TUSC3: variants seen among roughly 807,000 people sequenced by gnomAD.
TUSC3 encodes tumor suppressor candidate 3, also known as dolichyl-diphosphooligosaccharide--protein glycosyltransferase subunit TUSC3.
Under a neutral mutation model 44.8 loss-of-function variants are expected in TUSC3, and 45 were observed. That is an observed-to-expected ratio of 1.00 (90% CI 0.79 to 1.29). The LOEUF (loss-of-function observed/expected upper bound fraction) is 1.29, where lower values mean the gene tolerates loss of function less well. Among genes scored for constraint, TUSC3 ranks in the 50% most tolerant of loss-of-function variants. The pLI, the probability that TUSC3 is intolerant of heterozygous loss-of-function variation, is 0.00. For synonymous variants in TUSC3, 212 were observed against 152.9 expected (o/e 1.39, Z -2.85); for missense variants, 519 against 437.9 (o/e 1.19, Z -1.65).
chr8:15,662,243 A>C lies in TUSC3; in HGVS notation c.655A>C (p.Arg219=). Residue 219 remains arginine (R), a synonymous_variant, in exon 5 of 11, where the codon AGG becomes CGG. Coordinates refer to ENST00000503731, the MANE Select transcript of TUSC3 (RefSeq NM_006765.4). ...TGTTGGAGGTTTGCTTTATTTGAGA[A>C]GGAACAACTTGGAGTTCATCTATAA... ...SLVGGLLYLR[R]NNLEFIYNKT... is the part of the protein sequence containing the mutation. 1 of 1,613,148 alleles carries C rather than the reference A, an allele frequency of 6.2e-7. No individual in the cohort carries two copies. The highest frequency in any genetic ancestry group is 8.5e-7 in the Non-Finnish European group (1 of 1,179,354).
rs1805331196 is a variant in TUSC3, at chr8:15,623,215, G to A, written c.274G>A (p.Ala92Thr). Reference sequence around the variant, plus strand: ...CTATTCCATGATTGTTATGTTCACTGCTCTTCAGCCTCAGCGGCAGTGTTC... The same window carrying A: ...CTATTCCATGATTGTTATGTTCACTACTCTTCAGCCTCAGCGGCAGTGTTC... ...RNYSMIVMFT[A>T]LQPQRQCSVC... is the part of the protein sequence containing the mutation. The change falls in exon 2 of 11, where the codon GCT (alanine) becomes ACT (threonine). Residue 92 changes from alanine to threonine, a missense_variant. Coordinates refer to ENST00000503731, the MANE Select transcript of TUSC3 (RefSeq NM_006765.4). 1.2e-6 allele frequency: 2 copies of A among 1,611,498 alleles called. No individual in the cohort carries two copies. Among genetic ancestry groups the A allele is most frequent in the Non-Finnish European group, 1.7e-6 (2 of 1,178,854 alleles).
In TUSC3 at chr8:15,574,480, A is replaced by G. The variant is rs187562397; in HGVS notation, c.138+33912A>G. Among the ~76,000 whole-genome samples the G allele has an allele frequency of 2.4e-3, 366 of 152,204 alleles. 5 individuals are homozygous for G. The highest frequency in any genetic ancestry group is 8.5e-3 in the African/African-American group (353 of 41,532). Reference sequence around the variant, plus strand: ...GTTCCTCAGACTCTCTCTTTTGCTTAGGCCCTTTCCTGTAACTGGAAGATT... The same window carrying G: ...GTTCCTCAGACTCTCTCTTTTGCTTGGGCCCTTTCCTGTAACTGGAAGATT... On this transcript the variant is annotated intron_variant, in intron 1 of 10. Coordinates refer to ENST00000503731, the MANE Select transcript of TUSC3 (RefSeq NM_006765.4).
At chr8:15,737,437 C>A (rs1209984136) in intron 7 of TUSC3, among the ~76,000 whole-genome samples, 1 of 152,052 alleles carries the variant, frequency 6.6e-6, no homozygotes, top group East Asian at 1.9e-4. Flanking sequence ...GTAATTTACA[C>A]AAATAGCAGC....
At chr8:15,484,579 C>G (rs1487872374) in intron 2 of TUSC3, among the ~76,000 whole-genome samples, 1 of 152,182 alleles carries the variant, frequency 6.6e-6, no homozygotes, top group South Asian at 2.1e-4. Flanking sequence ...CGGTGTAGGG[C>G]ATAGATAAAA....
chr8:15,707,415 T>C (rs977922398), intron 6 of TUSC3, among the ~76,000 whole-genome samples: 1 of 151,946 alleles, frequency 6.6e-6, no homozygotes, highest in African/African-American at 2.4e-5. Flanking sequence ...CCTATGTTTT[T>C]TAAACCTATA....
chr8:15,543,824 C>T (rs1017451586), intron 1 of TUSC3, among the ~76,000 whole-genome samples: 17 of 150,046 alleles, frequency 1.1e-4, no homozygotes, highest in Admixed American at 7.3e-4. Flanking sequence ...CATGAAACAC[C>T]GAGAATTCCA....
chr8:15,465,223 G>A (rs1276394332), intron 1 of TUSC3, among the ~76,000 whole-genome samples: 8 of 152,106 alleles, frequency 5.3e-5, no homozygotes, highest in Non-Finnish European at 1.0e-4. Flanking sequence ...ATTATTTTGT[G>A]TAACTCTCTA....
intron 8 of TUSC3, 122 bp from the exon 9 acceptor site, chr8:15,748,253 C>G (rs1331599525): frequency 9.1e-6 from 7 of 767,730 alleles, no homozygotes; most frequent in East Asian, 2.5e-5. Context: ...TTTGTTGTAC[C>G]TGTATGTACC....
At chr8:15,674,773 G>C (rs947804980) in intron 6 of TUSC3, among the ~76,000 whole-genome samples, 6 of 151,896 alleles carry the variant, frequency 4.0e-5, no homozygotes, top group African/African-American at 1.4e-4. Context: ...CATAGTTTTT[G>C]CTATATTTAT....
intron 6 of TUSC3, among the ~76,000 whole-genome samples, chr8:15,680,523 A>G (rs965776757): frequency 2.0e-5 from 3 of 152,234 alleles, no homozygotes; most frequent in Middle Eastern, 3.4e-3. Flanking sequence ...ACAGAATCAT[A>G]TAGTCTGCAA....
intron 3 of TUSC3, among the ~76,000 whole-genome samples, chr8:15,653,340 C>T (rs545882183): frequency 2.0e-5 from 3 of 152,278 alleles, no homozygotes; most frequent in Non-Finnish European, 4.4e-5. Context: ...TATGAAATTT[C>T]TCTCTTTAAA....
At chr8:15,459,643 C>T (rs1800314117) in intron 1 of TUSC3, among the ~76,000 whole-genome samples, 1 of 152,002 alleles carries the variant, frequency 6.6e-6, no homozygotes, top group African/African-American at 2.4e-5. Flanking sequence ...TGCGAGTCTC[C>T]AAAATCCATT....
chr8:15,582,785 TAATC>T (rs1341221900), intron 1 of TUSC3, among the ~76,000 whole-genome samples: 2 of 152,228 alleles, frequency 1.3e-5, no homozygotes, highest in Non-Finnish European at 2.9e-5. Context: ...AGATTAGTCT[TAATC>T]AGTTACAGTC....
chr8:15,720,993 A>G (rs562326992), intron 6 of TUSC3, among the ~76,000 whole-genome samples: 40 of 152,206 alleles, frequency 2.6e-4, no homozygotes, highest in African/African-American at 9.4e-4. Flanking sequence ...AGTATTATGG[A>G]CATTCGTATT....
the TUSC3 span, among the ~76,000 whole-genome samples, chr8:15,816,443 T>C: frequency 6.6e-6 from 1 of 152,108 alleles, no homozygotes; most frequent in Non-Finnish European, 1.5e-5. Flanking sequence ...GTAAAACTCT[T>C]GACAATACAT....
chr8:15,694,076 C>CT (rs1219973144), intron 6 of TUSC3, among the ~76,000 whole-genome samples: 1 of 152,064 alleles, frequency 6.6e-6, no homozygotes, highest in Non-Finnish European at 1.5e-5. Flanking sequence ...TGGGTTTCAA[C>CT]TTTCTCTTGA....
At chr8:15,625,969 A>G (rs1036511959) in intron 2 of TUSC3, among the ~76,000 whole-genome samples, 1 of 152,212 alleles carries the variant, frequency 6.6e-6, no homozygotes, top group Non-Finnish European at 1.5e-5. Context: ...TAGAGTATAT[A>G]TACCTTAACG....
At chr8:15,567,782 G>GT (rs1394303789) in intron 1 of TUSC3, among the ~76,000 whole-genome samples, 1 of 152,106 alleles carries the variant, frequency 6.6e-6, no homozygotes, top group Non-Finnish European at 1.5e-5. Flanking sequence ...AAATTTTGTG[G>GT]TTATTGTGTG....
At chr8:15,702,285 G>A (rs561022848) in intron 6 of TUSC3, among the ~76,000 whole-genome samples, 1 of 152,216 alleles carries the variant, frequency 6.6e-6, no homozygotes, top group South Asian at 2.1e-4. Context: ...GTAAACATTG[G>A]TATTAAATAA....
Sources: gnomAD v4.1 joint callset for allele counts (sites outside exome capture counted in the v4.1 genomes callset) on GRCh38, gnomAD v4.1.1 for gene constraint, MANE v1.5 for transcripts, NCBI Gene and HGNC (gene_info 2026-07-23, HGNC 2026-07-21) for gene names.